ANKS1B: variants seen among roughly 807,000 people sequenced by gnomAD.
ANKS1B encodes the protein ankyrin repeat and sterile alpha motif domain-containing protein 1B.
In ANKS1B, 36 loss-of-function variants were observed where a neutral mutation model predicts 148.3. The ratio of observed to expected loss-of-function variants is 0.24; its 90% CI spans 0.19 to 0.32. The LOEUF (loss-of-function observed/expected upper bound fraction) is 0.32. ANKS1B is among the 10% of genes least tolerant of loss of function. The pLI, the probability that ANKS1B is intolerant of heterozygous loss-of-function variation, is 1.00. For missense variants in ANKS1B, 1,157 were observed against 1,542.6 expected (o/e 0.75, Z 4.19); for synonymous variants, 542 against 560.8 (o/e 0.97, Z 0.47).
intron 9 of ANKS1B, among the ~76,000 whole-genome samples, chr12:99,559,093 C>T (rs1012875311): frequency 2.6e-5 from 4 of 152,150 alleles, no homozygotes; most frequent in African/African-American, 9.7e-5. Context: ...CCTCCCGCTT[C>T]AGCCCAGCAA....
chr12:98,783,706 T>G (rs1034954692), intron 22 of ANKS1B, among the ~76,000 whole-genome samples: 3 of 152,098 alleles, frequency 2.0e-5, no homozygotes, highest in African/African-American at 7.2e-5. Flanking sequence ...GAAATGAGAA[T>G]GTGGTGGGTT....
rs76427557 is a variant in ANKS1B, at chr12:98,883,321, A to G, written c.2779-51185T>C. 2.3e-4 allele frequency among the ~76,000 whole-genome samples: 35 copies of G among 152,352 alleles called. No individual in the cohort carries two copies. The East Asian group carries it at 6.8e-3, about 29-fold the overall frequency. ...TATAAAATTTCACTTCTGAGGTCCAAAATTCAGCATATGGCCAGTCTTCAG... is the reference window on the plus strand; with the variant it reads ...TATAAAATTTCACTTCTGAGGTCCAGAATTCAGCATATGGCCAGTCTTCAG... On this transcript the variant is annotated intron_variant, in intron 17 of 26. Coordinates refer to ENST00000683438, the MANE Select transcript of ANKS1B (RefSeq NM_001352186.2).
chr12:99,049,933 A>G (rs531770209), intron 17 of ANKS1B, among the ~76,000 whole-genome samples: 1 of 152,306 alleles, frequency 6.6e-6, no homozygotes, highest in South Asian at 2.1e-4. Flanking sequence ...TATCAAAGGC[A>G]GGCTACCCTT....
chr12:99,229,837 A>G (rs540884190), intron 14 of ANKS1B, among the ~76,000 whole-genome samples: 26 of 152,192 alleles, frequency 1.7e-4, no homozygotes, highest in African/African-American at 6.0e-4. Context: ...TTAAGTGTCT[A>G]CAAAGAAGAC....
intron 17 of ANKS1B, among the ~76,000 whole-genome samples, chr12:98,907,951 C>T (rs1314265259): frequency 3.3e-5 from 5 of 152,156 alleles, no homozygotes; most frequent in African/African-American, 1.2e-4. Flanking sequence ...GCCTCCCCAG[C>T]CACATGGAAC....
intron 1 of ANKS1B, among the ~76,000 whole-genome samples, chr12:99,913,038 A>G (rs1162002792): frequency 2.6e-5 from 4 of 152,206 alleles, no homozygotes. Flanking sequence ...CAAATTTGCC[A>G]GCTATTATTC....
chr12:98,860,523 A>G (rs1395269899), intron 17 of ANKS1B, among the ~76,000 whole-genome samples: 1 of 152,268 alleles, frequency 6.6e-6, no homozygotes, highest in Admixed American at 6.5e-5. Context: ...AGAGCCAGAC[A>G]TTATAAGCCC....
intron 1 of ANKS1B, among the ~76,000 whole-genome samples, chr12:99,847,618 C>A (rs2086904861): frequency 6.6e-6 from 1 of 152,230 alleles, no homozygotes; most frequent in Non-Finnish European, 1.5e-5. Flanking sequence ...AATCACATTC[C>A]TATGTGGCCG....
intron 1 of ANKS1B, among the ~76,000 whole-genome samples, chr12:99,877,581 G>T (rs550240758): frequency 1.2e-4 from 18 of 152,314 alleles, no homozygotes; most frequent in Middle Eastern, 3.4e-3. Flanking sequence ...TCATACATTT[G>T]TCAGTCATCC....
chr12:99,844,498 T>A (rs1234262561), intron 1 of ANKS1B, among the ~76,000 whole-genome samples: 1 of 152,188 alleles, frequency 6.6e-6, no homozygotes, highest in Non-Finnish European at 1.5e-5. Context: ...AAATAGGGAA[T>A]CCTTCCCCCA....
rs995133551 is a variant in ANKS1B at position 98,972,659 on chromosome 12, T to C, written c.2778+80498A>G. On this transcript the variant is annotated intron_variant, in intron 17 of 26. Transcript: ENST00000683438. The stretch of plus-strand genomic sequence containing the variant: ...AAGCATGATATTTTTAAAGTGGCAT[T>C]CCAGCTGCCAGAAGGATATCAAATC... 1.1e-4 allele frequency among the ~76,000 whole-genome samples: 17 copies of C among 152,214 alleles called. 1 individual carries two copies. Among genetic ancestry groups the C allele is most frequent in the African/African-American group, 4.1e-4 (17 of 41,446 alleles).
chr12:99,662,755 G>A (rs982547014), intron 8 of ANKS1B, among the ~76,000 whole-genome samples: 2 of 152,034 alleles, frequency 1.3e-5, no homozygotes, highest in Admixed American at 6.5e-5. Context: ...TATAGCGGAG[G>A]TGAATGGGCT....
At chr12:99,497,807 T>G (rs771029077) in intron 10 of ANKS1B, among the ~76,000 whole-genome samples, 1 of 151,976 alleles carries the variant, frequency 6.6e-6, no homozygotes, top group Non-Finnish European at 1.5e-5. Context: ...CTCTTAAGAC[T>G]TGATCACCCC....
At chr12:99,203,399 T>C (rs1442256505) in intron 14 of ANKS1B, among the ~76,000 whole-genome samples, 1 of 152,088 alleles carries the variant, frequency 6.6e-6, no homozygotes, top group African/African-American at 2.4e-5. Context: ...AGGCTTTATC[T>C]CCTGCCAGAA....
At chr12:99,631,050 T>C (rs990215235) in intron 9 of ANKS1B, among the ~76,000 whole-genome samples, 32 of 152,236 alleles carry the variant, frequency 2.1e-4, no homozygotes, top group African/African-American at 7.0e-4. Context: ...TCATGTCTCA[T>C]GTAAGACATG....
chr12:99,191,128 A>T (rs2080633344), intron 14 of ANKS1B, among the ~76,000 whole-genome samples: 1 of 152,232 alleles, frequency 6.6e-6, no homozygotes, highest in South Asian at 2.1e-4. Context: ...GAGAAATGCA[A>T]ATCAAAACCA....
intron 12 of ANKS1B, among the ~76,000 whole-genome samples, chr12:99,310,358 G>A (rs1425469543): frequency 2.6e-5 from 4 of 152,242 alleles, no homozygotes; most frequent in African/African-American, 9.6e-5. Context: ...CATGATGGAT[G>A]TTTATGTGAG....
intron 1 of ANKS1B, among the ~76,000 whole-genome samples, chr12:99,845,803 A>G (rs2086574951): frequency 6.6e-6 from 1 of 151,412 alleles, no homozygotes; most frequent in Non-Finnish European, 1.5e-5. Context: ...AATAACACCA[A>G]CTCTTCTTTG....
intron 12 of ANKS1B, among the ~76,000 whole-genome samples, chr12:99,350,908 T>C (rs1184623905): frequency 6.6e-6 from 1 of 152,090 alleles, no homozygotes; most frequent in Admixed American, 6.6e-5. Context: ...TCTGTCTTAA[T>C]AGCAATCACT....
Sources: allele counts gnomAD v4.1 joint callset (sites outside exome capture counted in the v4.1 genomes callset), GRCh38; gene constraint gnomAD v4.1.1; transcripts MANE v1.5; gene names NCBI Gene and HGNC (gene_info 2026-07-23, HGNC 2026-07-21).